PTPRM: variants seen among roughly 807,000 people sequenced by gnomAD.
PTPRM encodes receptor-type tyrosine-protein phosphatase mu.
A neutral mutation model predicts 186.7 loss-of-function variants in PTPRM; 47 were observed. That is an observed-to-expected ratio of 0.25 (90% confidence interval 0.20 to 0.32). The LOEUF is 0.32. PTPRM is among the 10% of genes least tolerant of loss of function. PTPRM has a pLI of 1.00. For missense variants in PTPRM, 1,494 were observed against 1,865.0 expected (o/e 0.80, Z 3.66); for synonymous variants, 668 against 674.9 (o/e 0.99, Z 0.16).
chr18:8,321,064 T>A (rs887962832), intron 22 of PTPRM, among the ~76,000 whole-genome samples: 2 of 152,338 alleles, frequency 1.3e-5, no homozygotes, highest in African/African-American at 4.8e-5. Flanking sequence ...TAGAGGAACC[T>A]GTTGTTAGGG....
intron 14 of PTPRM, among the ~76,000 whole-genome samples, chr18:8,216,075 C>T (rs9957664): frequency 0.034 from 5,150 of 152,232 alleles, 281 homozygotes; most frequent in African/African-American, 0.12. Flanking sequence ...CCTTTCCCTT[C>T]ATATTAATTG....
intron 31 of PTPRM, among the ~76,000 whole-genome samples, chr18:8,393,117 C>T (rs1041956682): frequency 6.6e-6 from 1 of 152,134 alleles, no homozygotes; most frequent in Non-Finnish European, 1.5e-5. Flanking sequence ...TTATTGACTG[C>T]AAAGAGAAAG....
At chr18:7,758,523 G>A (rs1254451883) in intron 1 of PTPRM, among the ~76,000 whole-genome samples, 1 of 152,136 alleles carries the variant, frequency 6.6e-6, no homozygotes, top group Non-Finnish European at 1.5e-5. Flanking sequence ...GTGTTTAGTG[G>A]CTCTAGCAAT....
At chr18:7,707,223 G>A (rs898864748) in intron 1 of PTPRM, among the ~76,000 whole-genome samples, 3 of 152,090 alleles carry the variant, frequency 2.0e-5, no homozygotes, top group Admixed American at 2.0e-4. Flanking sequence ...CATGAAGGGA[G>A]AAAAGTGTTT....
chr18:7,984,073 A>G (rs57007178), intron 7 of PTPRM, among the ~76,000 whole-genome samples: 14,313 of 152,198 alleles, frequency 0.094, 1,549 homozygotes, highest in African/African-American at 0.27. Flanking sequence ...TATTCTTTAC[A>G]TAATAGTCTC....
chr18:7,650,414 C>T (rs182379211), intron 1 of PTPRM, among the ~76,000 whole-genome samples: 1 of 150,626 alleles, frequency 6.6e-6, no homozygotes, highest in East Asian at 2.0e-4. Flanking sequence ...TATATTATAT[C>T]CCTCTTGGAA....
At chr18:8,227,531 T>G (rs2094228883) in intron 14 of PTPRM, among the ~76,000 whole-genome samples, 1 of 152,232 alleles carries the variant, frequency 6.6e-6, no homozygotes, top group Non-Finnish European at 1.5e-5. Context: ...GTGCTTAAAG[T>G]GGGATCCAGA....
At chr18:7,957,050 A>G (rs1031821067) in intron 7 of PTPRM, among the ~76,000 whole-genome samples, 1 of 152,148 alleles carries the variant, frequency 6.6e-6, no homozygotes, top group African/African-American at 2.4e-5. Flanking sequence ...GCATGGCAAT[A>G]TATGGTTTCT....
chr18:8,134,065 C>T (rs1026468970), intron 13 of PTPRM, among the ~76,000 whole-genome samples: 5 of 152,132 alleles, frequency 3.3e-5, no homozygotes, highest in Admixed American at 2.6e-4. Flanking sequence ...GCGGAATAAA[C>T]CTCCTTTGTA....
intron 19 of PTPRM, among the ~76,000 whole-genome samples, chr18:8,291,582 A>T (rs911249241): frequency 6.6e-6 from 1 of 152,222 alleles, no homozygotes; most frequent in Non-Finnish European, 1.5e-5. Flanking sequence ...TTAAAAGAAC[A>T]TGTGTAACTT....
chr18:7,887,440 C>A (rs879014574), intron 2 of PTPRM, among the ~76,000 whole-genome samples: 2 of 152,132 alleles, frequency 1.3e-5, no homozygotes, highest in Admixed American at 1.3e-4. Context: ...CCTCCACTGT[C>A]AAGGAGAAGT....
chr18:8,089,059 C>T (rs899966826), intron 11 of PTPRM, among the ~76,000 whole-genome samples: 1 of 152,144 alleles, frequency 6.6e-6, no homozygotes, highest in Admixed American at 6.6e-5. Flanking sequence ...GGGTTTTATT[C>T]TGATGCAAGT....
intron 14 of PTPRM, among the ~76,000 whole-genome samples, chr18:8,166,444 C>G (rs2093325822): frequency 6.6e-6 from 1 of 152,114 alleles, no homozygotes; most frequent in Non-Finnish European, 1.5e-5. Context: ...TGTAAGGAAC[C>G]TATTACAGAG....
At chr18:7,614,786 ATG>A (rs1598530263) in intron 1 of PTPRM, among the ~76,000 whole-genome samples, 1 of 152,198 alleles carries the variant, frequency 6.6e-6, no homozygotes, top group East Asian at 1.9e-4. Flanking sequence ...GAGCACAGGC[ATG>A]TGTTTATCTT....
chr18:8,294,301 A>G (rs1459133734), intron 19 of PTPRM, among the ~76,000 whole-genome samples: 2 of 152,156 alleles, frequency 1.3e-5, no homozygotes, highest in African/African-American at 2.4e-5. Context: ...TTTATAAAGG[A>G]AAGAGGTTTA....
chr18:8,257,106 C>T (rs904989537), intron 19 of PTPRM, among the ~76,000 whole-genome samples: 25 of 152,304 alleles, frequency 1.6e-4, no homozygotes, highest in African/African-American at 5.5e-4. Flanking sequence ...AAGAGAGATG[C>T]GCAGGCATAC....
chr18:8,077,648 T>C (rs1237837636), intron 9 of PTPRM, among the ~76,000 whole-genome samples: 2 of 152,192 alleles, frequency 1.3e-5, no homozygotes, highest in Non-Finnish European at 2.9e-5. Context: ...TTCTCAGTGA[T>C]GAGAATCTTT....
At chr18:7,865,668 A>C (rs1040433067) in intron 2 of PTPRM, among the ~76,000 whole-genome samples, 3 of 152,104 alleles carry the variant, frequency 2.0e-5, no homozygotes, top group African/African-American at 7.2e-5. Context: ...TGTCTCTGCG[A>C]GGTTTTGGTA....
At chr18:7,902,979 G>A (rs1196853073) in intron 3 of PTPRM, among the ~76,000 whole-genome samples, 2 of 152,068 alleles carry the variant, frequency 1.3e-5, no homozygotes, top group Non-Finnish European at 2.9e-5. Context: ...TGTACACTAT[G>A]TTCTAAAAGG....
Sources: allele counts gnomAD v4.1 joint callset (sites outside exome capture counted in the v4.1 genomes callset), GRCh38; gene constraint gnomAD v4.1.1; transcripts MANE v1.5; gene names NCBI Gene and HGNC (gene_info 2026-07-23, HGNC 2026-07-21).